The following MTRF1 variants were observed in gnomAD, a reference collection of about 807,000 sequenced individuals.
MTRF1 encodes the protein mitochondrial translation release factor 1.
In MTRF1, 51 loss-of-function variants were observed where a neutral mutation model predicts 62.9. The observed-to-expected ratio is 0.81, with a 90% CI of 0.65 to 1.02. The LOEUF (loss-of-function observed/expected upper bound fraction) is 1.02. Among genes scored for constraint, MTRF1 ranks in the 50% least tolerant of loss-of-function variants. MTRF1 has a pLI of 0.00. For missense variants in MTRF1, 446 were observed against 530.0 expected (o/e 0.84, Z 1.56); for synonymous variants, 158 against 181.9 (o/e 0.87, Z 1.06).
At chr13:41,263,461 A>C (rs949549725) in intron 1 of MTRF1, 24 bp downstream of exon 1, 8 of 357,238 alleles carry the variant, frequency 2.2e-5, no homozygotes, top group African/African-American at 1.7e-4. Context: ...GCGGCGGGGA[A>C]GATCAGGAAA....
At chr13:41,233,729 A>G (rs2035991624) in intron 7 of MTRF1, among the ~76,000 whole-genome samples, 161 bp downstream of exon 7, 1 of 152,356 alleles carries the variant, frequency 6.6e-6, no homozygotes, top group Admixed American at 6.5e-5. Flanking sequence ...CTTTCCAAAC[A>G]GAAGGGAAAT....
chr13:41,219,998 C>CAAAAAAAA (rs71086550), intron 9 of MTRF1, among the ~76,000 whole-genome samples: 10 of 70,360 alleles, frequency 1.4e-4, no homozygotes, highest in South Asian at 5.9e-4. Flanking sequence ...ACCTCTGTCT[C>CAAAAAAAA]AAAAAAAAAA....
intron 8 of MTRF1, among the ~76,000 whole-genome samples, chr13:41,225,582 AG>A (rs1421673789): frequency 6.6e-6 from 1 of 152,178 alleles, no homozygotes; most frequent in African/African-American, 2.4e-5. Context: ...CTAGATGAAA[AG>A]TATAACTAAT....
intron 3 of MTRF1, among the ~76,000 whole-genome samples, chr13:41,253,708 A>T (rs1415611761): frequency 6.6e-6 from 1 of 152,216 alleles, no homozygotes; most frequent in Non-Finnish European, 1.5e-5. Context: ...GAAATACTCC[A>T]TCTCTGCTAG....
chr13:41,261,051 C>T (rs1323750674), intron 1 of MTRF1, 136 bp from the exon 2 acceptor site: 18 of 880,026 alleles, frequency 2.0e-5, no homozygotes, highest in South Asian at 1.7e-4. Flanking sequence ...ATTCAACTGC[C>T]GGCTGGCAGC....
Position 41,254,628 on chromosome 13 carries a change from C to T in MTRF1, c.416-8G>A. 2 of 1,602,758 alleles carry T rather than the reference C, an allele frequency of 1.2e-6. No individual in the cohort carries two copies. Among genetic ancestry groups the T allele is most frequent in the Non-Finnish European group, 1.7e-6 (2 of 1,171,288 alleles). On this transcript the variant is annotated splice_region_variant and splice_polypyrimidine_tract_variant and intron_variant, in intron 2 of 9. Coordinates refer to ENST00000379480, the MANE Select transcript of MTRF1 (RefSeq NM_004294.4). Reference sequence around the variant, plus strand: ...CATCTTGTTTATTTAGGCCTAAAAGCCAGAAACAGAAATAATGATAAAGTT... The same window carrying T: ...CATCTTGTTTATTTAGGCCTAAAAGTCAGAAACAGAAATAATGATAAAGTT...
At chr13:41,268,179 A>T (rs2040861809), upstream of MTRF1, among the ~76,000 whole-genome samples, 1 of 152,212 alleles carries the variant, frequency 6.6e-6, no homozygotes. Context: ...CTATTGATTC[A>T]GGAATTAAGA....
chr13:41,272,814 C>T, the MTRF1 span, among the ~76,000 whole-genome samples: 1 of 152,012 alleles, frequency 6.6e-6, no homozygotes, highest in Non-Finnish European at 1.5e-5. Context: ...AAAATTTTGC[C>T]TTCTTTGTTG....
chr13:41,229,962 G>C (rs1035953201), intron 7 of MTRF1, among the ~76,000 whole-genome samples: 4 of 152,052 alleles, frequency 2.6e-5, no homozygotes, highest in Admixed American at 1.3e-4. Context: ...TTAGCCAGGT[G>C]TGGTGGTGCA....
At chr13:41,272,536 A>G in the MTRF1 span, among the ~76,000 whole-genome samples, 2 of 152,312 alleles carry the variant, frequency 1.3e-5, no homozygotes, top group Admixed American at 1.3e-4. Context: ...AAATCTGATG[A>G]GAGAAAGACT....
At chr13:41,286,013 G>A in the MTRF1 span, among the ~76,000 whole-genome samples, 3 of 144,880 alleles carry the variant, frequency 2.1e-5, no homozygotes, top group Non-Finnish European at 3.0e-5. Flanking sequence ...GCAGTGAGCC[G>A]AGATCGAGCC....
chr13:41,284,159 T>TAA, the MTRF1 span, among the ~76,000 whole-genome samples: 1 of 150,518 alleles, frequency 6.6e-6, no homozygotes, highest in Admixed American at 6.7e-5. Flanking sequence ...CTGGGCAACA[T>TAA]GGGGAGACAC....
chr13:41,305,715 C>G, the MTRF1 span, among the ~76,000 whole-genome samples: 1 of 152,196 alleles, frequency 6.6e-6, no homozygotes, highest in African/African-American at 2.4e-5. Context: ...CCACCAGGAT[C>G]TCCCAGCCAA....
At chr13:41,260,063 C>T (rs1304686058) in intron 2 of MTRF1, among the ~76,000 whole-genome samples, 1 of 152,180 alleles carries the variant, frequency 6.6e-6, no homozygotes, top group Non-Finnish European at 1.5e-5. Context: ...CCACGAGGAG[C>T]CTGTTTACTT....
chr13:41,231,541 A>T (rs1220016436), intron 7 of MTRF1, among the ~76,000 whole-genome samples: 2 of 152,216 alleles, frequency 1.3e-5, no homozygotes, highest in African/African-American at 4.8e-5. Flanking sequence ...ATCCTGGAAG[A>T]TCCTTCTCAG....
chr13:41,239,529 T>C (rs2037184071), intron 6 of MTRF1, among the ~76,000 whole-genome samples: 2 of 152,040 alleles, frequency 1.3e-5, no homozygotes. Flanking sequence ...TATAAAATTT[T>C]CATTGTGGTA....
At chr13:41,261,151 T>G (rs568727405) in intron 1 of MTRF1, among the ~76,000 whole-genome samples, 1 of 152,190 alleles carries the variant, frequency 6.6e-6, no homozygotes, top group South Asian at 2.1e-4. Context: ...CCAGCCAACA[T>G]AGTGAAACAC....
At chr13:41,235,936 C>CT (rs2036454545) in intron 6 of MTRF1, 1 of 151,146 alleles carries the variant, frequency 6.6e-6, no homozygotes, top group Non-Finnish European at 1.5e-5. Flanking sequence ...CAGAGTCTTG[C>CT]TTTGTTGCCC....
intron 6 of MTRF1, among the ~76,000 whole-genome samples, chr13:41,234,928 C>A (rs1053634416): frequency 6.6e-6 from 1 of 152,122 alleles, no homozygotes; most frequent in Non-Finnish European, 1.5e-5. Flanking sequence ...TGAACTCTAG[C>A]ACCTTTTAGT....
Sources: allele counts gnomAD v4.1 joint callset (sites outside exome capture counted in the v4.1 genomes callset), GRCh38; gene constraint gnomAD v4.1.1; transcripts MANE v1.5; gene names NCBI Gene and HGNC (gene_info 2026-07-23, HGNC 2026-07-21).